ERBB4: variants seen among roughly 807,000 people sequenced by gnomAD.
The protein encoded by ERBB4 is receptor tyrosine-protein kinase erbB-4.
A neutral mutation model predicts 158.0 loss-of-function variants in ERBB4; 42 were observed. The observed-to-expected ratio is 0.27, with a 90% CI of 0.21 to 0.34. The LOEUF is 0.34. ERBB4 is among the 10% of genes least tolerant of loss of function. ERBB4 has a pLI of 1.00. For synonymous variants in ERBB4, 583 were observed against 558.7 expected, an observed-to-expected ratio of 1.04 and a Z score of -0.61; for missense variants, 1,333 against 1,624.1, an observed-to-expected ratio of 0.82 and a Z score of 3.08.
chr2:211,903,960 T>C (rs140429487), intron 3 of ERBB4, among the ~76,000 whole-genome samples: 1 of 152,176 alleles, frequency 6.6e-6, no homozygotes, highest in African/African-American at 2.4e-5. Flanking sequence ...AACTCAAAAC[T>C]AGCTGAAAGA....
intron 19 of ERBB4, among the ~76,000 whole-genome samples, chr2:211,600,308 G>A (rs148800238): frequency 9.9e-5 from 15 of 152,162 alleles, no homozygotes; most frequent in East Asian, 1.9e-4. Context: ...TTTTAAGGTC[G>A]TAAAAAGATA....
chr2:212,142,935 CTT>C (rs763731261), intron 1 of ERBB4, among the ~76,000 whole-genome samples: 3 of 144,174 alleles, frequency 2.1e-5, no homozygotes, highest in Non-Finnish European at 3.1e-5. Context: ...TTAGGAACAT[CTT>C]TTTTTTTTTT....
At chr2:212,303,342 T>C (rs1266058126) in intron 1 of ERBB4, among the ~76,000 whole-genome samples, 2 of 151,474 alleles carry the variant, frequency 1.3e-5, no homozygotes, top group African/African-American at 4.8e-5. Context: ...GATTATACCC[T>C]CTGCTAGATC....
chr2:212,074,095 G>A (rs546415979), intron 2 of ERBB4, among the ~76,000 whole-genome samples: 1 of 152,128 alleles, frequency 6.6e-6, no homozygotes, highest in African/African-American at 2.4e-5. Context: ...TGAAGCATGA[G>A]TCAAATAGTG....
At chr2:212,466,278 T>C (rs909057770) in intron 1 of ERBB4, among the ~76,000 whole-genome samples, 1 of 152,186 alleles carries the variant, frequency 6.6e-6, no homozygotes, top group African/African-American at 2.4e-5. Flanking sequence ...CTCAACCAAA[T>C]GTGGATTGAA....
At chr2:211,447,691 T>A (rs1025067313) in intron 20 of ERBB4, among the ~76,000 whole-genome samples, 1 of 152,114 alleles carries the variant, frequency 6.6e-6, no homozygotes, top group Non-Finnish European at 1.5e-5. Context: ...TTAGCAGACT[T>A]ATTTTTGACT....
chr2:211,675,344 C>T (rs1189908037), intron 13 of ERBB4, among the ~76,000 whole-genome samples: 1 of 152,148 alleles, frequency 6.6e-6, no homozygotes, highest in Non-Finnish European at 1.5e-5. Context: ...CCAGGACTGA[C>T]ACTACTATTT....
chr2:211,800,509 T>C (rs1330280572), intron 3 of ERBB4, among the ~76,000 whole-genome samples: 2 of 152,114 alleles, frequency 1.3e-5, no homozygotes, highest in Non-Finnish European at 2.9e-5. Context: ...TAAGCAGAGA[T>C]GAGGCACAAT....
chr2:211,951,953 TTTATC>T (rs1024655256), intron 2 of ERBB4, among the ~76,000 whole-genome samples: 1 of 152,024 alleles, frequency 6.6e-6, no homozygotes, highest in African/African-American at 2.4e-5. Context: ...GAAGATCCTA[TTTATC>T]TTAATTGTTA....
chr2:212,022,104 G>A (rs1247730169), intron 2 of ERBB4, among the ~76,000 whole-genome samples: 1 of 152,162 alleles, frequency 6.6e-6, no homozygotes, highest in Non-Finnish European at 1.5e-5. Context: ...CATTGTGGAA[G>A]ACAGTGTGGC....
intron 5 of ERBB4, among the ~76,000 whole-genome samples, chr2:211,726,567 C>A (rs1027462288): frequency 1.3e-5 from 2 of 152,134 alleles, no homozygotes; most frequent in South Asian, 4.1e-4. Context: ...ATCATCACTT[C>A]TCCTACCTAA....
intron 2 of ERBB4, among the ~76,000 whole-genome samples, chr2:212,024,927 G>A (rs1260388358): frequency 6.6e-6 from 1 of 151,820 alleles, no homozygotes; most frequent in African/African-American, 2.4e-5. Context: ...TCCTTGATGT[G>A]TGATATTCAG....
intron 1 of ERBB4, among the ~76,000 whole-genome samples, chr2:212,314,772 C>G (rs1424739967): frequency 6.6e-6 from 1 of 151,156 alleles, no homozygotes; most frequent in Non-Finnish European, 1.5e-5. Flanking sequence ...GTCCTTTAAT[C>G]CAGAAAGAGC....
intron 20 of ERBB4, among the ~76,000 whole-genome samples, chr2:211,465,012 T>G (rs2064642067): frequency 6.8e-6 from 1 of 147,332 alleles, no homozygotes; most frequent in Non-Finnish European, 1.5e-5. Flanking sequence ...AAGGTCTTCC[T>G]CTGCTACCCA....
At chr2:212,067,947 T>TA (rs925760276) in intron 2 of ERBB4, among the ~76,000 whole-genome samples, 4 of 151,992 alleles carry the variant, frequency 2.6e-5, no homozygotes, top group Non-Finnish European at 5.9e-5. Flanking sequence ...CAAAAATAAA[T>TA]ACATTGGGTA....
chr2:211,839,215 G>A (rs1275538334), intron 3 of ERBB4, among the ~76,000 whole-genome samples: 1 of 149,012 alleles, frequency 6.7e-6, no homozygotes, highest in Non-Finnish European at 1.5e-5. Context: ...AAGAGAGAGA[G>A]AGAGAAAGAG....
At position 211,673,149 on chromosome 2, in the gene ERBB4, T is replaced by A. The variant is rs771843161; in HGVS notation, c.1716+15A>T. 1 of 1,572,404 alleles carries A rather than the reference T, an allele frequency of 6.4e-7. No individual in the cohort carries two copies. Among genetic ancestry groups the A allele is most frequent in the Admixed American group, 1.7e-5 (1 of 59,936 alleles). On this transcript the variant is annotated intron_variant, in intron 14 of 27. Transcript: ENST00000342788. ...ACTAAATAAGCCAACACACCACAGA[T>A]GTCTTCAGGCTTACCGGTCCATGGC...
At chr2:212,286,594 C>CTTGTTTTTTTTT (rs760466245) in intron 1 of ERBB4, among the ~76,000 whole-genome samples, 2 of 55,540 alleles carry the variant, frequency 3.6e-5, no homozygotes, top group African/African-American at 1.2e-4. Flanking sequence ...TAAGTGCTGA[C>CTTGTTTTTTTTT]TTTTTTTTTT....
chr2:212,362,578 T>C (rs1332037697), intron 1 of ERBB4, among the ~76,000 whole-genome samples: 2 of 150,832 alleles, frequency 1.3e-5, no homozygotes, highest in Non-Finnish European at 3.0e-5. Context: ...TGATGGGTTA[T>C]GAGATCCAAA....
Sources: gnomAD v4.1 joint callset for allele counts (sites outside exome capture counted in the v4.1 genomes callset) on GRCh38, gnomAD v4.1.1 for gene constraint, MANE v1.5 for transcripts, NCBI Gene and HGNC (gene_info 2026-07-23, HGNC 2026-07-21) for gene names.